GRK3: variants seen among roughly 807,000 people sequenced by gnomAD.
GRK3 encodes the protein adrenergic, beta, receptor kinase 2.
In GRK3, 54 loss-of-function variants were observed where a neutral mutation model predicts 95.7. The ratio of observed to expected loss-of-function variants is 0.56; its 90% CI spans 0.45 to 0.71. GRK3 has a LOEUF of 0.71. Ranked by LOEUF, GRK3 falls within the 30% of genes least tolerant of loss-of-function variation. The pLI is 0.00. For missense variants in GRK3, 649 were observed against 851.2 expected (o/e 0.76, Z 2.96); for synonymous variants, 281 against 290.8 (o/e 0.97, Z 0.34).
chr22:25,626,392 A>T (rs968895928), intron 2 of GRK3, among the ~76,000 whole-genome samples: 2 of 152,176 alleles, frequency 1.3e-5, no homozygotes, highest in African/African-American at 4.8e-5. Flanking sequence ...GGGATCAGGG[A>T]ATAGCAGCTG....
chr22:25,588,643 A>G (rs1437027490), intron 1 of GRK3, among the ~76,000 whole-genome samples: 2 of 152,198 alleles, frequency 1.3e-5, no homozygotes, highest in African/African-American at 2.4e-5. Context: ...AACTACATAT[A>G]AGGAAAGTAG....
intron 2 of GRK3, among the ~76,000 whole-genome samples, chr22:25,644,236 G>C (rs1336575821): frequency 1.3e-5 from 2 of 151,174 alleles, no homozygotes; most frequent in African/African-American, 2.4e-5. Context: ...AACACATACT[G>C]TCTGTATCTC....
At chr22:25,683,794 C>T (rs2085092834) in intron 9 of GRK3, among the ~76,000 whole-genome samples, 1 of 152,018 alleles carries the variant, frequency 6.6e-6, no homozygotes, top group Non-Finnish European at 1.5e-5. Flanking sequence ...TTATGGGTTG[C>T]ATATATCTTC....
chr22:25,639,571 T>C (rs1027213674), intron 2 of GRK3, among the ~76,000 whole-genome samples: 1 of 152,198 alleles, frequency 6.6e-6, no homozygotes, highest in Non-Finnish European at 1.5e-5. Flanking sequence ...AGTATGGCTA[T>C]GTAATGAGTC....
chr22:25,588,075 A>G (rs901716335), intron 1 of GRK3, among the ~76,000 whole-genome samples: 2 of 152,168 alleles, frequency 1.3e-5, no homozygotes, highest in African/African-American at 4.8e-5. Flanking sequence ...CTGGGATTAC[A>G]GGTGTGAGCC....
rs113425730 is a variant in GRK3 at position 25,721,060 on chromosome 22, C to T, written c.1792-224C>T. Among the ~76,000 whole-genome samples, 782 of 152,294 alleles carry T rather than the reference C, an allele frequency of 5.1e-3. 6 individuals carry two copies. The highest frequency in any genetic ancestry group is 0.018 in the African/African-American group (758 of 41,560). On this transcript the variant is annotated intron_variant, in intron 19 of 20. Coordinates refer to ENST00000324198, the MANE Select transcript of GRK3 (RefSeq NM_005160.4). ...GAGGGAACAGCTTTGCCGTTTTTCCCTAGCAAAACATTGCTTTCTCTGCAG... is the reference window on the plus strand; with the variant it reads ...GAGGGAACAGCTTTGCCGTTTTTCCTTAGCAAAACATTGCTTTCTCTGCAG...
At chr22:25,574,218 G>T (rs1931806728) in intron 1 of GRK3, among the ~76,000 whole-genome samples, 1 of 152,070 alleles carries the variant, frequency 6.6e-6, no homozygotes, top group South Asian at 2.1e-4. Flanking sequence ...ATGAGGCCAG[G>T]TGTGGTGGCT....
intron 13 of GRK3, among the ~76,000 whole-genome samples, chr22:25,701,384 A>T (rs925387612): frequency 6.6e-6 from 1 of 152,260 alleles, no homozygotes; most frequent in Non-Finnish European, 1.5e-5. Context: ...TTGGAAACAG[A>T]TGTGCATCAA....
At chr22:25,721,015 T>C (rs1009205900) in intron 19 of GRK3, among the ~76,000 whole-genome samples, 1 of 152,214 alleles carries the variant, frequency 6.6e-6, no homozygotes, top group African/African-American at 2.4e-5. Flanking sequence ...TTCATCATCA[T>C]TCAAAATCAG....
intron 4 of GRK3, among the ~76,000 whole-genome samples, chr22:25,662,655 A>G (rs16980525): frequency 0.051 from 7,828 of 152,226 alleles, 206 homozygotes; most frequent in African/African-American, 0.063. Flanking sequence ...TGATGAAGGA[A>G]TTTCTGGGCC....
intron 8 of GRK3, among the ~76,000 whole-genome samples, chr22:25,676,012 C>G (rs2085025860): frequency 6.6e-6 from 1 of 152,228 alleles, no homozygotes; most frequent in African/African-American, 2.4e-5. Flanking sequence ...ATGCCTCCAT[C>G]TCCTGGTCTA....
In GRK3 at chr22:25,646,769, TC is replaced by T. The variant is rs1440672968; in HGVS notation, c.264+2107del. 9.2e-5 allele frequency among the ~76,000 whole-genome samples: 14 copies of T among 152,200 alleles called. No individual in the cohort carries two copies. In the South Asian group the frequency reaches 2.9e-3, roughly 32 times the overall value. On this transcript the variant is annotated intron_variant, in intron 3 of 20. Transcript: ENST00000324198. ...TGGGCACAATGGCTCACGCCTGTAA[TC>T]CCAGCACTTTGAGAGGCCAAGGCGG...
At chr22:25,596,846 T>G (rs1321205827) in intron 1 of GRK3, among the ~76,000 whole-genome samples, 2 of 152,232 alleles carry the variant, frequency 1.3e-5, no homozygotes, top group African/African-American at 2.4e-5. Context: ...ATGCATGGCC[T>G]TCTTTATTTT....
chr22:25,712,190 T>A (rs2085349207), intron 17 of GRK3, among the ~76,000 whole-genome samples: 1 of 152,186 alleles, frequency 6.6e-6, no homozygotes, highest in Non-Finnish European at 1.5e-5. Context: ...GACCAGCTTT[T>A]CTGGTGTTGG....
At chr22:25,647,666 C>T in intron 3 of GRK3, 1 of 1,403,138 alleles carries the variant, frequency 7.1e-7, no homozygotes, top group Non-Finnish European at 1.0e-6. Flanking sequence ...AGATCAATCA[C>T]TACAGGAAAG....
At position 25,564,772 on chromosome 22, in the gene GRK3, G is replaced by C. The variant is rs1344180568; in HGVS notation, c.-269G>C. 2 of 150,698 alleles carry C rather than the reference G, an allele frequency of 1.3e-5. No individual in the cohort carries two copies. The highest frequency in any genetic ancestry group is 4.9e-5 in the African/African-American group (2 of 41,192). The allele number at this position is 150,698 out of a possible 1,614,324, so 9.3% of individuals were successfully genotyped here. Reference sequence around the variant, plus strand: ...CGCTCCCCGCAGACCCTCGCTGAAGGAGCAGGGGGCGGCGCGCGTGCGCGG... The same window carrying C: ...CGCTCCCCGCAGACCCTCGCTGAAGCAGCAGGGGGCGGCGCGCGTGCGCGG... On this transcript the variant is annotated 5_prime_UTR_variant, in exon 1 of 21. Transcript: ENST00000324198.
intron 9 of GRK3, chr22:25,684,716 T>G (rs1046899953): frequency 6.5e-6 from 1 of 153,430 alleles, no homozygotes; most frequent in African/African-American, 2.4e-5. Context: ...AGAGACATGA[T>G]TGAATCCAAG....
intron 13 of GRK3, among the ~76,000 whole-genome samples, chr22:25,701,690 T>G (rs2085260066): frequency 6.6e-6 from 1 of 152,116 alleles, no homozygotes; most frequent in South Asian, 2.1e-4. Flanking sequence ...AGGAGTGGGG[T>G]CCTCTGGCTT....
chr22:25,577,488 T>C (rs1931947015), intron 1 of GRK3, among the ~76,000 whole-genome samples: 1 of 152,216 alleles, frequency 6.6e-6, no homozygotes, highest in Non-Finnish European at 1.5e-5. Flanking sequence ...AAAGGATTTT[T>C]AATGTTAAAC....
Sources: allele counts gnomAD v4.1 joint callset (sites outside exome capture counted in the v4.1 genomes callset), GRCh38; gene constraint gnomAD v4.1.1; transcripts MANE v1.5; gene names NCBI Gene and HGNC (gene_info 2026-07-23, HGNC 2026-07-21).